SDK1: variants seen among roughly 807,000 people sequenced by gnomAD.
SDK1 encodes the protein protein sidekick-1.
In SDK1, 157 loss-of-function variants were observed where a neutral mutation model predicts 245.5. The ratio of observed to expected loss-of-function variants is 0.64; its 90% confidence interval spans 0.56 to 0.73. The LOEUF (loss-of-function observed/expected upper bound fraction) is 0.73, where lower values mean the gene tolerates loss of function less well. Among genes scored for constraint, SDK1 ranks in the 30% least tolerant of loss-of-function variants. SDK1 has a pLI of 0.00. For synonymous variants in SDK1, 1,647 were observed against 1,278.5 expected (o/e 1.29, Z -6.15); for missense variants, 3,583 against 3,002.3 (o/e 1.19, Z -4.52).
Position 4,208,244 on chromosome 7 carries a change from G to A in SDK1, c.5360G>A (p.Gly1787Glu), listed in dbSNP as rs758511200. 6.2e-7 allele frequency: 1 copy of A among 1,613,932 alleles called. No individual in the cohort carries two copies. Among genetic ancestry groups the A allele is most frequent in the Non-Finnish European group, 8.5e-7 (1 of 1,179,972 alleles). The change falls in exon 37 of 45, where the codon GGA becomes GAA. Residue 1787 changes from glycine (G) to glutamate (E), a missense_variant. Coordinates refer to ENST00000404826, the MANE Select transcript of SDK1 (RefSeq NM_152744.4). ...SISAFNAAGD[G>E]PKSDPQQGRT... ...TCAGCCTTCAACGCCGCCGGAGATGGACCTAAGAGTGACCCCCAGCAGGGG... is the reference window on the plus strand; with the variant it reads ...TCAGCCTTCAACGCCGCCGGAGATGAACCTAAGAGTGACCCCCAGCAGGGG...
At chr7:3,801,057 T>A (rs1159446194) in intron 4 of SDK1, among the ~76,000 whole-genome samples, 1 of 152,204 alleles carries the variant, frequency 6.6e-6, no homozygotes. Flanking sequence ...CCTTTCATTT[T>A]CCTAGTATAT....
intron 18 of SDK1, 137 bp from the exon 19 acceptor site, chr7:4,051,501 T>C: frequency 1.4e-6 from 1 of 695,398 alleles, no homozygotes; most frequent in South Asian, 2.1e-5. Context: ...TCAAGCGTGA[T>C]TATAAAATGC....
intron 13 of SDK1, among the ~76,000 whole-genome samples, chr7:3,977,252 T>C (rs547413716): frequency 2.9e-5 from 1 of 34,786 alleles, no homozygotes; most frequent in Non-Finnish European, 4.7e-5. Flanking sequence ...GTCCCGGGGC[T>C]GAGGCTGCGA....
At chr7:3,622,870 G>A (rs1337355919) in intron 2 of SDK1, among the ~76,000 whole-genome samples, 1 of 152,086 alleles carries the variant, frequency 6.6e-6, no homozygotes. Context: ...ACACTTAGAT[G>A]GGTTATCAGG....
rs6462649 is a variant in SDK1 at position 4,205,780 on chromosome 7, G to A, written c.5099-99G>A. 2,403 of 951,428 alleles carry A rather than the reference G, an allele frequency of 2.5e-3. 47 individuals carry two copies. The African/African-American group carries it at 0.035, about 14-fold the overall frequency. 58.9% of individuals were successfully genotyped at this position (951,428 alleles called of 1,614,324 possible). A position where few individuals can be genotyped will look rare whatever the true frequency, so the allele number is the denominator to read the frequency against. On this transcript the variant is annotated intron_variant, in intron 35 of 44. Coordinates refer to ENST00000404826, the MANE Select transcript of SDK1 (RefSeq NM_152744.4). Reference sequence around the variant, plus strand: ...AAGAATCTCTCACATGGTTCCCAGCGGAATTAGGGCATGCTCGAGCCCCAT... The same window carrying A: ...AAGAATCTCTCACATGGTTCCCAGCAGAATTAGGGCATGCTCGAGCCCCAT...
intron 12 of SDK1, among the ~76,000 whole-genome samples, chr7:3,971,850 C>T (rs1363455002): frequency 6.6e-6 from 1 of 152,136 alleles, no homozygotes; most frequent in Non-Finnish European, 1.5e-5. Flanking sequence ...GTAAAACGTA[C>T]TTGTCAGAGG....
At chr7:3,839,026 G>A (rs1195528955) in intron 5 of SDK1, among the ~76,000 whole-genome samples, 4 of 152,184 alleles carry the variant, frequency 2.6e-5, no homozygotes, top group East Asian at 1.9e-4. Flanking sequence ...GGATCTTCAC[G>A]TCAGGCCTCA....
intron 5 of SDK1, among the ~76,000 whole-genome samples, chr7:3,836,476 G>A (rs528602957): frequency 1.3e-5 from 2 of 152,310 alleles, no homozygotes; most frequent in East Asian, 3.9e-4. Flanking sequence ...TAGGCATTGA[G>A]GATATCATGA....
At chr7:3,921,850 C>T (rs1235631370) in intron 5 of SDK1, among the ~76,000 whole-genome samples, 1 of 152,074 alleles carries the variant, frequency 6.6e-6, no homozygotes, top group African/African-American at 2.4e-5. Context: ...CCTGTGGTCC[C>T]AGCTTCTTGG....
At chr7:4,012,884 A>C (rs1786104520) in intron 16 of SDK1, among the ~76,000 whole-genome samples, 2 of 152,114 alleles carry the variant, frequency 1.3e-5, no homozygotes, top group South Asian at 4.2e-4. Flanking sequence ...GCCTCATTGT[A>C]GGTCTTTTGA....
At chr7:4,255,617 A>G (rs1028639550) in intron 44 of SDK1, among the ~76,000 whole-genome samples, 4 of 152,210 alleles carry the variant, frequency 2.6e-5, no homozygotes, top group Non-Finnish European at 5.9e-5. Flanking sequence ...ACTCTTGGCC[A>G]TCTCTGCCTA....
chr7:3,622,342 A>G (rs941730168), intron 2 of SDK1, among the ~76,000 whole-genome samples: 2 of 152,016 alleles, frequency 1.3e-5, no homozygotes, highest in African/African-American at 4.8e-5. Flanking sequence ...TTAGCCAGGC[A>G]TGGTGGCGCA....
Position 4,144,587 on chromosome 7 carries a change from A to G in SDK1, c.4229-1135A>G, listed in dbSNP as rs550512637. On this transcript the variant is annotated intron_variant, in intron 28 of 44. Transcript: ENST00000404826. ...GGTTTGTTAAATGCGTGGATGAGTG[A>G]CAAGGCGCAGGAGCTGGGAGGATGC... Among the ~76,000 whole-genome samples, 6 of 152,164 alleles carry G rather than the reference A, an allele frequency of 3.9e-5. 1 individual carries two copies. Among genetic ancestry groups the G allele is most frequent in the African/African-American group, 1.4e-4 (6 of 41,510 alleles).
intron 5 of SDK1, among the ~76,000 whole-genome samples, chr7:3,872,163 C>T (rs6968148): frequency 0.27 from 40,671 of 151,826 alleles, 6,735 homozygotes; most frequent in African/African-American, 0.47. Flanking sequence ...GTTATTCTTT[C>T]GTGTACTTTT....
chr7:3,772,537 C>T (rs559777851), intron 4 of SDK1, among the ~76,000 whole-genome samples: 1 of 152,126 alleles, frequency 6.6e-6, no homozygotes, highest in Non-Finnish European at 1.5e-5. Context: ...ATGATACTAG[C>T]TTTTAGACTA....
intron 32 of SDK1, among the ~76,000 whole-genome samples, chr7:4,166,675 G>A (rs1229467258): frequency 6.6e-6 from 1 of 152,232 alleles, no homozygotes; most frequent in African/African-American, 2.4e-5. Flanking sequence ...TGAAAGCTCA[G>A]ATGGTTTCAC....
In SDK1 at chr7:3,953,561, A is replaced by G. The variant is rs549260182; in HGVS notation, c.1150+1641A>G. On this transcript the variant is annotated intron_variant, in intron 7 of 44. Transcript: ENST00000404826. ...CACATTATAGATTCAGCCAAAATTA[A>G]AATTTGCGACGTGTAAATCTCTAGT... is the stretch of plus-strand genomic sequence containing the variant. Among the ~76,000 whole-genome samples the G allele has an allele frequency of 2.6e-5, 4 of 152,332 alleles. No homozygotes were observed. The South Asian group carries it at 8.3e-4, about 32-fold the overall frequency.
intron 1 of SDK1, among the ~76,000 whole-genome samples, chr7:3,574,711 C>CT (rs1465745393): frequency 6.6e-6 from 1 of 152,020 alleles, no homozygotes; most frequent in African/African-American, 2.4e-5. Context: ...ACTGTACTGC[C>CT]TGGCTTCTTG....
chr7:3,762,167 CCTA>C (rs1201283128), intron 4 of SDK1, among the ~76,000 whole-genome samples: 1 of 152,206 alleles, frequency 6.6e-6, no homozygotes, highest in Non-Finnish European at 1.5e-5. Context: ...TCTAAATACT[CCTA>C]CAACAATCCT....
Sources: gnomAD v4.1 joint callset for allele counts (sites outside exome capture counted in the v4.1 genomes callset) on GRCh38, gnomAD v4.1.1 for gene constraint, MANE v1.5 for transcripts, NCBI Gene and HGNC (gene_info 2026-07-23, HGNC 2026-07-21) for gene names.